AGPS: variants seen among roughly 807,000 people sequenced by gnomAD.
AGPS encodes the protein alkylglycerone phosphate synthase.
Under a neutral mutation model 90.7 loss-of-function variants are expected in AGPS, and 26 were observed. That is an observed-to-expected ratio of 0.29 (90% CI 0.21 to 0.40). The LOEUF is 0.40. Among genes scored for constraint, AGPS ranks in the 10% least tolerant of loss-of-function variants. The probability of loss-of-function intolerance (pLI) is 1.00; values close to 1 mark genes in which losing one functional copy is unlikely to be tolerated. For synonymous variants in AGPS, 294 were observed against 285.3 expected (o/e 1.03, Z -0.31); for missense variants, 540 against 816.1 (o/e 0.66, Z 4.12).
intron 19 of AGPS, among the ~76,000 whole-genome samples, chr2:177,526,227 C>CTTT (rs749224337): frequency 0.026 from 3,279 of 124,234 alleles, 182 homozygotes; most frequent in African/African-American, 0.093. Context: ...AGCTTCTTGT[C>CTTT]TTTTTTTTTT....
At chr2:177,493,519 G>A (rs1688328493) in intron 12 of AGPS, among the ~76,000 whole-genome samples, 1 of 152,166 alleles carries the variant, frequency 6.6e-6, no homozygotes, top group Non-Finnish European at 1.5e-5. Context: ...ATATAAGTTT[G>A]CCTAGATGTC....
chr2:177,479,479 A>C (rs1358431283), intron 10 of AGPS, among the ~76,000 whole-genome samples: 1 of 152,238 alleles, frequency 6.6e-6, no homozygotes, highest in African/African-American at 2.4e-5. Context: ...CATGTATGTT[A>C]ATTGCAGCAT....
intron 8 of AGPS, among the ~76,000 whole-genome samples, chr2:177,451,935 A>G (rs1394296657): frequency 7.0e-6 from 1 of 142,508 alleles, no homozygotes; most frequent in African/African-American, 2.6e-5. Context: ...TCTTTGATCT[A>G]TGGTTTACTC....
chr2:177,464,478 A>G (rs1262886695), intron 9 of AGPS, among the ~76,000 whole-genome samples: 1 of 152,236 alleles, frequency 6.6e-6, no homozygotes, highest in African/African-American at 2.4e-5. Context: ...TAACTGTTTG[A>G]AAAAAGTTGA....
chr2:177,429,608 C>T (rs1239932176), intron 2 of AGPS, among the ~76,000 whole-genome samples: 3 of 152,156 alleles, frequency 2.0e-5, no homozygotes, highest in African/African-American at 7.2e-5. Context: ...GCTCGTGACC[C>T]TATTTGCCTC....
At chr2:177,502,925 G>A (rs1688602742) in intron 14 of AGPS, among the ~76,000 whole-genome samples, 1 of 152,050 alleles carries the variant, frequency 6.6e-6, no homozygotes, top group African/African-American at 2.4e-5. Context: ...ACAAAAGAAA[G>A]CACCACCAAG....
chr2:177,487,596 A>C (rs1688132584), intron 11 of AGPS, among the ~76,000 whole-genome samples: 1 of 152,166 alleles, frequency 6.6e-6, no homozygotes, highest in Non-Finnish European at 1.5e-5. Flanking sequence ...CAGGTTTAGC[A>C]CTTACCTTAT....
chr2:177,515,412 G>C (rs945806686), intron 17 of AGPS, among the ~76,000 whole-genome samples: 1 of 152,088 alleles, frequency 6.6e-6, no homozygotes. Context: ...GTGTAGTTGA[G>C]AAATTTTTAT....
At chr2:177,484,380 G>C (rs1215582695) in intron 11 of AGPS, among the ~76,000 whole-genome samples, 1 of 151,982 alleles carries the variant, frequency 6.6e-6, no homozygotes, top group East Asian at 1.9e-4. Flanking sequence ...ATCCTACTCT[G>C]TCTCCCAGGC....
rs539922029 is a variant in AGPS at position 177,436,787 on chromosome 2, A to C, written c.465A>C (p.Thr155=). Residue 155 remains threonine (T), a synonymous_variant, in exon 4 of 20, where the codon ACA becomes ACC. Coordinates refer to ENST00000264167, the MANE Select transcript of AGPS (RefSeq NM_003659.4). ...AGGCATCCTTAAATCCTAGTGATAC[A>C]CCTCCTTCTGTTGTAAATGAAGATT... ...TSKASLNPSD[T]PPSVVNEDFL... is the part of the protein sequence containing the mutation. 6.2e-7 allele frequency: 1 copy of C among 1,611,514 alleles called. No homozygotes were observed. The highest frequency in any genetic ancestry group is 8.5e-7 in the Non-Finnish European group (1 of 1,178,694).
chr2:177,475,338 A>G (rs1261061138), intron 10 of AGPS, among the ~76,000 whole-genome samples: 1 of 148,904 alleles, frequency 6.7e-6, no homozygotes, highest in East Asian at 2.1e-4. Context: ...ATTCTGTGTT[A>G]GGGGGTAAGA....
intron 19 of AGPS, among the ~76,000 whole-genome samples, chr2:177,534,738 C>T (rs1381083730): frequency 2.0e-5 from 3 of 151,576 alleles, no homozygotes; most frequent in African/African-American, 4.8e-5. Context: ...AGATGCGTGC[C>T]GCCACATCCA....
intron 9 of AGPS, among the ~76,000 whole-genome samples, chr2:177,465,900 C>T (rs758723295): frequency 6.6e-6 from 1 of 152,268 alleles, no homozygotes; most frequent in Admixed American, 6.5e-5. Context: ...GTTTGTGTTA[C>T]AGCCCTTTCA....
At chr2:177,412,737 G>C (rs550828792) in intron 1 of AGPS, among the ~76,000 whole-genome samples, 1 of 152,086 alleles carries the variant, frequency 6.6e-6, no homozygotes, top group Non-Finnish European at 1.5e-5. Context: ...TCTGACCTGG[G>C]GTTCTTGGCC....
chr2:177,535,300 C>G (rs538837858), intron 19 of AGPS, among the ~76,000 whole-genome samples: 1 of 152,266 alleles, frequency 6.6e-6, no homozygotes, highest in Non-Finnish European at 1.5e-5. Context: ...TTTTCCCTTC[C>G]TTTAATATGG....
At chr2:177,532,967 A>G (rs1194145113) in intron 19 of AGPS, among the ~76,000 whole-genome samples, 1 of 152,206 alleles carries the variant, frequency 6.6e-6, no homozygotes, top group Non-Finnish European at 1.5e-5. Flanking sequence ...GTGATTTCCA[A>G]AAGTTGAGGC....
At chr2:177,457,920 G>A (rs1378560158) in intron 8 of AGPS, among the ~76,000 whole-genome samples, 6 of 152,120 alleles carry the variant, frequency 3.9e-5, no homozygotes, top group East Asian at 3.8e-4. Flanking sequence ...GATGAACATC[G>A]ATGCGAAAAT....
chr2:177,501,673 T>G (rs982096238), intron 14 of AGPS, among the ~76,000 whole-genome samples: 7 of 152,190 alleles, frequency 4.6e-5, no homozygotes, highest in African/African-American at 9.6e-5. Context: ...GTTTTTGTTT[T>G]TGTTTGTGTT....
chr2:177,525,373 T>A (rs1259934876), intron 19 of AGPS, among the ~76,000 whole-genome samples: 1 of 152,206 alleles, frequency 6.6e-6, no homozygotes, highest in Non-Finnish European at 1.5e-5. Flanking sequence ...CGTTTGTTTT[T>A]TGTCTAAATT....
Sources: allele counts gnomAD v4.1 joint callset (sites outside exome capture counted in the v4.1 genomes callset), GRCh38; gene constraint gnomAD v4.1.1; transcripts MANE v1.5; gene names NCBI Gene and HGNC (gene_info 2026-07-23, HGNC 2026-07-21).